CPQ: variants seen among roughly 807,000 people sequenced by gnomAD.
CPQ encodes Ser-Met dipeptidase.
CPQ carries 37 observed loss-of-function variants against 45.7 expected under a neutral mutation model. The ratio of observed to expected loss-of-function variants is 0.81; its 90% CI spans 0.62 to 1.07. CPQ has a LOEUF of 1.07. Among genes scored for constraint, CPQ ranks in the 50% least tolerant of loss-of-function variants. CPQ has a pLI of 0.00. For missense variants in CPQ, 537 were observed against 572.9 expected, an observed-to-expected ratio of 0.94 and a Z score of 0.64; for synonymous variants, 186 against 205.8, an observed-to-expected ratio of 0.90 and a Z score of 0.82.
intron 5 of CPQ, among the ~76,000 whole-genome samples, chr8:96,983,349 G>T (rs1793262469): frequency 6.6e-6 from 1 of 152,110 alleles, no homozygotes; most frequent in Non-Finnish European, 1.5e-5. Context: ...GCTGCATTTT[G>T]CAAGTTTGAA....
chr8:97,051,757 C>G (rs933312570), intron 6 of CPQ, among the ~76,000 whole-genome samples: 1 of 152,170 alleles, frequency 6.6e-6, no homozygotes, highest in Admixed American at 6.5e-5. Context: ...AATTAAGTAA[C>G]TTGCCTAATA....
rs1181604655 is a variant in CPQ, at chr8:97,064,471, A to AT, written c.1054-1532dup. On this transcript the variant is annotated intron_variant, in intron 6 of 7. Transcript: ENST00000220763. ...ATCCTCAGCTGAAAGCTGAGGTGGC[A>AT]TTTTTTATTATAAATGCCCTGGGTC... 1.6e-4 allele frequency among the ~76,000 whole-genome samples: 25 copies of AT among 152,324 alleles called. No homozygotes were observed. In the East Asian group the frequency reaches 4.8e-3, roughly 29 times the overall value.
intron 1 of CPQ, among the ~76,000 whole-genome samples, chr8:96,706,118 G>T (rs867481908): frequency 1.3e-5 from 2 of 152,122 alleles, no homozygotes; most frequent in African/African-American, 4.8e-5. Flanking sequence ...CTGACAGCCT[G>T]TCTTTGTTGC....
chr8:96,918,986 G>C (rs1418473146), intron 4 of CPQ, among the ~76,000 whole-genome samples: 1 of 152,084 alleles, frequency 6.6e-6, no homozygotes, highest in African/African-American at 2.4e-5. Flanking sequence ...TCGCAGTAAT[G>C]CATTTGTTTC....
intron 5 of CPQ, among the ~76,000 whole-genome samples, chr8:97,000,493 G>C (rs2130423338): frequency 6.6e-6 from 1 of 152,208 alleles, no homozygotes; most frequent in Non-Finnish European, 1.5e-5. Context: ...TTATTAAATA[G>C]GGAAACCTTT....
chr8:97,035,867 C>T (rs904399448), intron 6 of CPQ, among the ~76,000 whole-genome samples: 9 of 152,066 alleles, frequency 5.9e-5, no homozygotes, highest in East Asian at 1.9e-4. Context: ...GCCACCACAC[C>T]CGGCTAATTT....
At chr8:97,139,447 A>G (rs1812117619) in intron 7 of CPQ, among the ~76,000 whole-genome samples, 1 of 152,188 alleles carries the variant, frequency 6.6e-6, no homozygotes, top group African/African-American at 2.4e-5. Context: ...CTGAAAGCAC[A>G]TTCTCTTCAA....
chr8:96,790,773 T>G (rs1311338162), intron 2 of CPQ, among the ~76,000 whole-genome samples: 1 of 152,154 alleles, frequency 6.6e-6, no homozygotes, highest in Non-Finnish European at 1.5e-5. Flanking sequence ...AATGTTGTCC[T>G]TTGCTGTATG....
chr8:97,108,631 T>C (rs1020315885), intron 7 of CPQ, among the ~76,000 whole-genome samples: 8 of 152,188 alleles, frequency 5.3e-5, no homozygotes, highest in Admixed American at 5.2e-4. Flanking sequence ...AAATCCTACC[T>C]GATTGGAAGG....
chr8:97,092,219 C>T (rs866013621), intron 7 of CPQ: 1 of 152,256 alleles, frequency 6.6e-6, no homozygotes, highest in African/African-American at 2.4e-5. Flanking sequence ...TTTTAACACC[C>T]ACTACCTTTG....
At position 97,089,015 on chromosome 8, in the gene CPQ, G is replaced by A. The variant is rs183194669; in HGVS notation, c.1255+22805G>A. Among the ~76,000 whole-genome samples, 622 of 152,184 alleles carry A rather than the reference G, an allele frequency of 4.1e-3. 8 individuals are homozygous for A. Among genetic ancestry groups the A allele is most frequent in the African/African-American group, 0.014 (579 of 41,548 alleles). Reference sequence around the variant, plus strand: ...TCCCAGCACTTTGGAAGGCCAAGGCGGGTGGATCACCTGAGGTTGGGAGTT... The same window carrying A: ...TCCCAGCACTTTGGAAGGCCAAGGCAGGTGGATCACCTGAGGTTGGGAGTT... On this transcript the variant is annotated intron_variant, in intron 7 of 7. Transcript: ENST00000220763.
chr8:96,911,116 G>C (rs749641466), intron 4 of CPQ, among the ~76,000 whole-genome samples: 1 of 151,982 alleles, frequency 6.6e-6, no homozygotes, highest in Non-Finnish European at 1.5e-5. Flanking sequence ...ATATTTTAGC[G>C]ATCCACGTGC....
intron 7 of CPQ, among the ~76,000 whole-genome samples, chr8:97,108,506 T>A (rs1164064126): frequency 6.6e-6 from 1 of 152,236 alleles, no homozygotes; most frequent in Non-Finnish European, 1.5e-5. Flanking sequence ...TATTTTTAAG[T>A]GTCAAAACAC....
chr8:97,098,594 G>T (rs1232317866), intron 7 of CPQ, among the ~76,000 whole-genome samples: 1 of 151,976 alleles, frequency 6.6e-6, no homozygotes, highest in South Asian at 2.1e-4. Flanking sequence ...TATTATTAAG[G>T]TCCTCTTTAG....
chr8:96,733,810 G>A (rs1809944038), intron 1 of CPQ, among the ~76,000 whole-genome samples: 1 of 151,974 alleles, frequency 6.6e-6, no homozygotes, highest in Admixed American at 6.6e-5. Context: ...CAATTTGCAG[G>A]CCATATTGAA....
At chr8:97,106,743 G>T (rs1328049773) in intron 7 of CPQ, among the ~76,000 whole-genome samples, 1 of 152,116 alleles carries the variant, frequency 6.6e-6, no homozygotes, top group Non-Finnish European at 1.5e-5. Flanking sequence ...GCAAGTGAGT[G>T]AGCATAGAGA....
chr8:96,778,802 C>G lies in CPQ; in HGVS notation c.-34-6062C>G, dbSNP rs559196898. ...CATGTTATGGCAAAGTGTGGTGGCT[C>G]ACGCCTGTAATCCCAGCACTTTGGG... is the stretch of plus-strand genomic sequence containing the variant. On this transcript the variant is annotated intron_variant, in intron 1 of 7. Coordinates refer to ENST00000220763, the MANE Select transcript of CPQ (RefSeq NM_016134.4). 3.9e-4 allele frequency among the ~76,000 whole-genome samples: 60 copies of G among 152,128 alleles called. No individual in the cohort carries two copies. In the South Asian group the frequency reaches 0.012, roughly 31 times the overall value.
At chr8:96,758,760 A>C (rs989411887) in intron 1 of CPQ, among the ~76,000 whole-genome samples, 1 of 152,134 alleles carries the variant, frequency 6.6e-6, no homozygotes, top group African/African-American at 2.4e-5. Flanking sequence ...TATCCTAGGC[A>C]GTTGAATTAA....
rs568308608 is a variant in CPQ, at chr8:96,680,761, A to G, written c.-35+35359A>G. ...CAGAAGAAGATAGGAAAGTGTGGGA[A>G]AGTGTGGAACTCCCTAGAGACTTGT... On this transcript the variant is annotated intron_variant, in intron 1 of 7. Coordinates refer to ENST00000220763, the MANE Select transcript of CPQ (RefSeq NM_016134.4). Among the ~76,000 whole-genome samples the G allele has an allele frequency of 1.3e-3, 199 of 152,308 alleles. 3 individuals carry two copies. The highest frequency in any genetic ancestry group is 4.6e-3 in the African/African-American group (190 of 41,564).
Sources: allele counts gnomAD v4.1 joint callset (sites outside exome capture counted in the v4.1 genomes callset), GRCh38; gene constraint gnomAD v4.1.1; transcripts MANE v1.5; gene names NCBI Gene and HGNC (gene_info 2026-07-23, HGNC 2026-07-21).